Variants in WDFY3 observed in about 807,000 individuals in gnomAD.
The protein encoded by WDFY3 is WD repeat and FYVE domain containing 3.
In WDFY3, 66 loss-of-function variants were observed where a neutral mutation model predicts 409.6. The ratio of observed to expected loss-of-function variants is 0.16; its 90% CI spans 0.13 to 0.20. WDFY3 has a LOEUF of 0.20. WDFY3 is among the 10% of genes least tolerant of loss of function. WDFY3 has a pLI of 1.00. For synonymous variants in WDFY3, 1,521 were observed against 1,537.1 expected (o/e 0.99, Z 0.25); for missense variants, 3,031 against 4,298.1 (o/e 0.71, Z 8.24).
At chr4:84,841,927 A>C (rs557044113) in intron 5 of WDFY3, among the ~76,000 whole-genome samples, 1 of 152,306 alleles carries the variant, frequency 6.6e-6, no homozygotes, top group South Asian at 2.1e-4. Flanking sequence ...TGAGAGGGAA[A>C]TAAGAGGTTT....
intron 64 of WDFY3, among the ~76,000 whole-genome samples, chr4:84,681,178 G>A (rs1016945571): frequency 6.6e-6 from 1 of 152,106 alleles, no homozygotes; most frequent in African/African-American, 2.4e-5. Context: ...CCTGTGGGCT[G>A]TTCTCCCTGC....
intron 1 of WDFY3, among the ~76,000 whole-genome samples, chr4:84,937,367 C>T (rs1453174224): frequency 1.3e-5 from 2 of 152,106 alleles, no homozygotes; most frequent in Non-Finnish European, 2.9e-5. Context: ...TTTCCTAGTT[C>T]CTCCTCTTCT....
rs1165943746 is a variant in WDFY3, at chr4:84,794,724, G to A, written c.3282C>T (p.Phe1094=). The change falls in exon 21 of 68, where the codon TTC becomes TTT. Residue 1094 remains phenylalanine (F), a synonymous_variant. Transcript: ENST00000295888. The part of the protein sequence containing the change: ...VSGIGSGERF[F]PPPSGLSYSS... ...AGTAACTTAAGCCGGAGGGAGGAGG[G>A]AAGAATCTTTCACCTACAGTAAAAA... 1 of 1,612,000 alleles carries A rather than the reference G, an allele frequency of 6.2e-7. No homozygotes were observed. The highest frequency in any genetic ancestry group is 1.1e-5 in the South Asian group (1 of 90,540).
chr4:84,877,289 A>C (rs921024703), intron 3 of WDFY3, among the ~76,000 whole-genome samples: 1 of 152,030 alleles, frequency 6.6e-6, no homozygotes, highest in East Asian at 1.9e-4. Context: ...GATGATTATG[A>C]ATCATCCTTT....
chr4:84,855,282 C>A (rs1487277053), intron 4 of WDFY3, among the ~76,000 whole-genome samples: 1 of 152,156 alleles, frequency 6.6e-6, no homozygotes, highest in African/African-American at 2.4e-5. Flanking sequence ...CTATCTGATT[C>A]CAAGCCAGGC....
intron 53 of WDFY3, among the ~76,000 whole-genome samples, chr4:84,707,084 G>A (rs1578198146): frequency 6.6e-6 from 1 of 151,756 alleles, no homozygotes; most frequent in African/African-American, 2.4e-5. Flanking sequence ...GACTACAGAT[G>A]CATGCCACCA....
chr4:84,740,209 A>G lies in WDFY3; in HGVS notation c.6442T>C (p.Leu2148=). ...QEFISCLAHC[L]INLHVGSNVD... ...TACCTTCCAACATGTAGATTTATCAAGCAGTGGGCCAGACAGCTAATGAAT... is the reference window on the plus strand; with the variant it reads ...TACCTTCCAACATGTAGATTTATCAGGCAGTGGGCCAGACAGCTAATGAAT... The change falls in exon 39 of 68, where the codon TTG becomes CTG. Residue 2148 remains leucine (L), a synonymous_variant. Transcript: ENST00000295888. The G allele has an allele frequency of 6.2e-7, 1 of 1,614,176 alleles. No individual in the cohort carries two copies. The highest frequency in any genetic ancestry group is 1.3e-5 in the African/African-American group (1 of 75,046).
At chr4:84,751,775 T>A in intron 35 of WDFY3, 59 bp from the exon 36 acceptor site, 1 of 1,573,462 alleles carries the variant, frequency 6.4e-7, no homozygotes, top group Non-Finnish European at 8.7e-7. Context: ...TTTTTACTTC[T>A]GTGTTTCCTA....
intron 21 of WDFY3, among the ~76,000 whole-genome samples, chr4:84,791,255 T>C (rs955892951): frequency 1.3e-5 from 2 of 152,144 alleles, no homozygotes; most frequent in African/African-American, 2.4e-5. Flanking sequence ...TCTGACAACA[T>C]AGATGAAGCT....
At position 84,782,954 on chromosome 4, in the gene WDFY3, T is replaced by A; in HGVS notation, c.4174+9A>T. 6.2e-7 allele frequency: 1 copy of A among 1,609,044 alleles called. No homozygotes were observed. The highest frequency in any genetic ancestry group is 8.5e-7 in the Non-Finnish European group (1 of 1,178,552). ...AGAAGTTTGAAACAACAAAGATAAG[T>A]CCACTCACCCAAGTATCCAATCAGA... is the stretch of plus-strand genomic sequence containing the variant. On this transcript the variant is annotated intron_variant, in intron 25 of 67. Transcript: ENST00000295888.
intron 63 of WDFY3, 156 bp from the exon 64 acceptor site, chr4:84,682,626 C>T (rs1389565168): frequency 7.8e-6 from 5 of 643,256 alleles, no homozygotes; most frequent in African/African-American, 3.7e-5. Flanking sequence ...GATGTGGCAG[C>T]GGGCTGCCTG....
chr4:84,779,019 T>C (rs1254649343), intron 26 of WDFY3, among the ~76,000 whole-genome samples: 1 of 152,188 alleles, frequency 6.6e-6, no homozygotes. Context: ...CACATGATGG[T>C]AACTACTTAA....
intron 4 of WDFY3, among the ~76,000 whole-genome samples, chr4:84,859,136 A>G (rs1485338931): frequency 6.6e-6 from 1 of 152,158 alleles, no homozygotes; most frequent in Non-Finnish European, 1.5e-5. Context: ...ACATGCAGAG[A>G]AAGAAATTGA....
chr4:84,948,664 T>C (rs1250596678), intron 1 of WDFY3, among the ~76,000 whole-genome samples: 1 of 152,224 alleles, frequency 6.6e-6, no homozygotes, highest in Non-Finnish European at 1.5e-5. Context: ...TTATGATGCC[T>C]ACCCTGTTCT....
intron 30 of WDFY3, among the ~76,000 whole-genome samples, chr4:84,767,674 T>C (rs1440899138): frequency 6.6e-6 from 1 of 151,428 alleles, no homozygotes; most frequent in East Asian, 1.9e-4. Flanking sequence ...AAAGTTTTAC[T>C]GGTCTAGATA....
At chr4:84,937,234 T>C (rs1280480086) in intron 1 of WDFY3, among the ~76,000 whole-genome samples, 1 of 152,150 alleles carries the variant, frequency 6.6e-6, no homozygotes, top group Non-Finnish European at 1.5e-5. Context: ...GTTCTCATCT[T>C]TCTTGACTTA....
chr4:84,878,904 T>G (rs137859350), intron 3 of WDFY3, among the ~76,000 whole-genome samples: 1 of 152,318 alleles, frequency 6.6e-6, no homozygotes, highest in East Asian at 1.9e-4. Context: ...CCACCTGTAA[T>G]AGCATTGCTG....
In WDFY3 at chr4:84,928,257, C is replaced by T. The variant is rs911497801; in HGVS notation, c.-132+4013G>A. Among the ~76,000 whole-genome samples, 7 of 152,264 alleles carry T rather than the reference C, an allele frequency of 4.6e-5. No homozygotes were observed. In the South Asian group the frequency reaches 6.2e-4, roughly 14 times the overall value. The stretch of plus-strand genomic sequence containing the variant: ...CTAGCATCAACCCCTCTCCCTCCTC[C>T]GTGCTTGACTCTCGAGCCCTCGGCC... On this transcript the variant is annotated intron_variant, in intron 2 of 67. Transcript: ENST00000295888.
At chr4:84,786,249 A>G in intron 23 of WDFY3, 110 bp from the exon 24 acceptor site, 2 of 1,024,142 alleles carry the variant, frequency 2.0e-6, no homozygotes, top group African/African-American at 1.6e-5. Context: ...GTCTTAAAGT[A>G]GAATAAGAGA....
Sources: gnomAD v4.1 joint callset for allele counts (sites outside exome capture counted in the v4.1 genomes callset) on GRCh38, gnomAD v4.1.1 for gene constraint, MANE v1.5 for transcripts, NCBI Gene and HGNC (gene_info 2026-07-23, HGNC 2026-07-21) for gene names.